GALNTL6: variants seen among roughly 807,000 people sequenced by gnomAD.
The protein encoded by GALNTL6 is polypeptide N-acetylgalactosaminyltransferase-like 6.
In GALNTL6, 46 loss-of-function variants were observed where a neutral mutation model predicts 73.7. That is an observed-to-expected ratio of 0.62 (90% CI 0.49 to 0.80). The LOEUF (loss-of-function observed/expected upper bound fraction) is 0.80. Ranked by LOEUF, GALNTL6 falls within the 30% of genes least tolerant of loss-of-function variation. The pLI is 0.00. For missense variants in GALNTL6, 604 were observed against 755.0 expected, an observed-to-expected ratio of 0.80 and a Z score of 2.34; for synonymous variants, 259 against 263.7, an observed-to-expected ratio of 0.98 and a Z score of 0.17.
chr4:172,208,979 G>A (rs999909655), intron 2 of GALNTL6, among the ~76,000 whole-genome samples: 5 of 152,096 alleles, frequency 3.3e-5, no homozygotes, highest in African/African-American at 7.2e-5. Flanking sequence ...CAAAATACAT[G>A]AGAAAGGTTA....
intron 5 of GALNTL6, among the ~76,000 whole-genome samples, chr4:172,484,318 T>C (rs1272216580): frequency 6.6e-6 from 1 of 152,228 alleles, no homozygotes; most frequent in East Asian, 1.9e-4. Flanking sequence ...GTGGTTGTGA[T>C]CTGTTTTCCT....
chr4:172,549,666 C>T (rs923960428), intron 5 of GALNTL6, among the ~76,000 whole-genome samples: 2 of 151,896 alleles, frequency 1.3e-5, no homozygotes, highest in East Asian at 3.9e-4. Context: ...ATGTTCTCTT[C>T]ACAGTAATGC....
chr4:173,033,463 C>T (rs1251344049), intron 12 of GALNTL6, among the ~76,000 whole-genome samples: 3 of 151,694 alleles, frequency 2.0e-5, no homozygotes, highest in East Asian at 1.9e-4. Flanking sequence ...GTGTTATTTG[C>T]GTTCTCTCAG....
chr4:172,696,401 C>T (rs1733695989), intron 5 of GALNTL6, among the ~76,000 whole-genome samples: 1 of 152,074 alleles, frequency 6.6e-6, no homozygotes, highest in East Asian at 1.9e-4. Flanking sequence ...TCAGGCATTC[C>T]TAATTTTTTG....
At chr4:172,362,491 G>A (rs1742406864) in intron 5 of GALNTL6, among the ~76,000 whole-genome samples, 1 of 151,834 alleles carries the variant, frequency 6.6e-6, no homozygotes, top group Admixed American at 6.6e-5. Context: ...TTTCCTCTAT[G>A]GGCTTTTCCT....
At chr4:171,904,356 T>C (rs1737204098) in intron 2 of GALNTL6, among the ~76,000 whole-genome samples, 1 of 152,016 alleles carries the variant, frequency 6.6e-6, no homozygotes, top group South Asian at 2.1e-4. Context: ...TGCAGAAGCC[T>C]CAGGAGCCGA....
intron 2 of GALNTL6, among the ~76,000 whole-genome samples, chr4:171,909,463 C>A (rs560907252): frequency 1.3e-5 from 2 of 152,198 alleles, no homozygotes; most frequent in South Asian, 4.1e-4. Context: ...ATTTTCATGA[C>A]CTCATCCAAT....
chr4:172,690,479 T>G (rs565877739), intron 5 of GALNTL6, among the ~76,000 whole-genome samples: 1 of 152,198 alleles, frequency 6.6e-6, no homozygotes, highest in African/African-American at 2.4e-5. Flanking sequence ...TGGTAGATTT[T>G]AATGTGCCTA....
rs114966178 is a variant in GALNTL6, at chr4:172,627,382, G to T, written c.554-181979G>T. Among the ~76,000 whole-genome samples the T allele has an allele frequency of 4.6e-3, 696 of 152,130 alleles. 8 individuals are homozygous for T. The highest frequency in any genetic ancestry group is 0.013 in the African/African-American group (559 of 41,500). ...TGAATTAACTTTTTGATGCGCTGTG[G>T]ATTCAACTTGCAAGTGTTTTGTTGA... On this transcript the variant is annotated intron_variant, in intron 5 of 12. Coordinates refer to ENST00000506823, the MANE Select transcript of GALNTL6 (RefSeq NM_001034845.3).
chr4:172,672,180 C>T (rs1014554920), intron 5 of GALNTL6, among the ~76,000 whole-genome samples: 15 of 152,192 alleles, frequency 9.9e-5, no homozygotes, highest in Admixed American at 7.2e-4. Flanking sequence ...AGTGAGCCAG[C>T]ATGCCTGACC....
chr4:172,053,983 A>T (rs980154974), intron 2 of GALNTL6, among the ~76,000 whole-genome samples: 1 of 152,124 alleles, frequency 6.6e-6, no homozygotes, highest in Non-Finnish European at 1.5e-5. Context: ...AACAAAATCC[A>T]AAATTAATAA....
At chr4:171,921,172 T>C (rs546642604) in intron 2 of GALNTL6, among the ~76,000 whole-genome samples, 1 of 152,196 alleles carries the variant, frequency 6.6e-6, no homozygotes, top group East Asian at 1.9e-4. Flanking sequence ...TTGTAATTAA[T>C]AAATTATGTA....
intron 8 of GALNTL6, among the ~76,000 whole-genome samples, chr4:172,886,278 AT>A (rs1745713093): frequency 6.6e-6 from 1 of 152,118 alleles, no homozygotes; most frequent in Non-Finnish European, 1.5e-5. Flanking sequence ...TAGGTTGTGT[AT>A]TTACAAGAAT....
chr4:172,862,813 A>G (rs367801048), intron 7 of GALNTL6, among the ~76,000 whole-genome samples: 1 of 152,256 alleles, frequency 6.6e-6, no homozygotes, highest in East Asian at 1.9e-4. Flanking sequence ...GACAACGTGG[A>G]AAATGTCTCC....
chr4:172,891,133 TA>T (rs1206438055), intron 8 of GALNTL6, among the ~76,000 whole-genome samples: 1 of 151,830 alleles, frequency 6.6e-6, no homozygotes, highest in Non-Finnish European at 1.5e-5. Flanking sequence ...TTTTTTTTTT[TA>T]ATCCAACTTG....
intron 5 of GALNTL6, among the ~76,000 whole-genome samples, chr4:172,639,438 C>T (rs995559729): frequency 6.6e-6 from 1 of 152,012 alleles, no homozygotes; most frequent in African/African-American, 2.4e-5. Context: ...CTGTATTTCT[C>T]GTTAAAACCA....
chr4:171,908,440 C>T (rs1737367230), intron 2 of GALNTL6, among the ~76,000 whole-genome samples: 1 of 152,088 alleles, frequency 6.6e-6, no homozygotes. Flanking sequence ...ATCAAAACCA[C>T]AGTGAGATAC....
intron 10 of GALNTL6, among the ~76,000 whole-genome samples, chr4:173,001,322 C>A (rs769458679): frequency 9.2e-5 from 14 of 152,032 alleles, no homozygotes; most frequent in Admixed American, 5.2e-4. Context: ...AATATATCTA[C>A]GTGCAAAAAA....
chr4:172,156,217 C>T (rs1218797944), intron 2 of GALNTL6, among the ~76,000 whole-genome samples: 11 of 152,002 alleles, frequency 7.2e-5, no homozygotes, highest in Admixed American at 2.0e-4. Context: ...TTTCGATCTT[C>T]AGCGGGTATG....
Sources: allele counts gnomAD v4.1 joint callset (sites outside exome capture counted in the v4.1 genomes callset), GRCh38; gene constraint gnomAD v4.1.1; transcripts MANE v1.5; gene names NCBI Gene and HGNC (gene_info 2026-07-23, HGNC 2026-07-21).